Variants in KALRN observed in about 807,000 individuals in gnomAD.
KALRN encodes the protein kalirin.
In KALRN, 70 loss-of-function variants were observed where a neutral mutation model predicts 353.7. The ratio of observed to expected loss-of-function variants is 0.20; its 90% confidence interval spans 0.16 to 0.24. The LOEUF is 0.24. Among genes scored for constraint, KALRN ranks in the 10% least tolerant of loss-of-function variants. The probability of loss-of-function intolerance (pLI) is 1.00; values close to 1 mark genes in which losing one functional copy is unlikely to be tolerated. For synonymous variants in KALRN, 1,391 were observed against 1,434.8 expected, an observed-to-expected ratio of 0.97 and a Z score of 0.69; for missense variants, 2,791 against 3,756.7, an observed-to-expected ratio of 0.74 and a Z score of 6.72.
chr3:124,086,309 T>TTGTGTGTGTGTGTGTG (rs59443298), intron 1 of KALRN, among the ~76,000 whole-genome samples: 2 of 141,860 alleles, frequency 1.4e-5, no homozygotes, highest in Admixed American at 7.1e-5. Flanking sequence ...GGTTGTTTTG[T>TTGTGTGTGTGTGTGTG]TGTGTGTGTG....
chr3:124,505,140 CAATT>C (rs1342211718), intron 33 of KALRN, among the ~76,000 whole-genome samples: 1 of 152,012 alleles, frequency 6.6e-6, no homozygotes, highest in Admixed American at 6.5e-5. Flanking sequence ...CCTTCTGTAT[CAATT>C]AAGGAGAAAA....
At chr3:124,429,358 G>T (rs886896855) in intron 15 of KALRN, among the ~76,000 whole-genome samples, 1 of 152,180 alleles carries the variant, frequency 6.6e-6, no homozygotes, top group Admixed American at 6.5e-5. Flanking sequence ...ACGAGACTGG[G>T]CTTGGTATTT....
At position 124,255,239 on chromosome 3, in the gene KALRN, C is replaced by T. The variant is rs553365495; in HGVS notation, c.264-9259C>T. 3.1e-4 allele frequency among the ~76,000 whole-genome samples: 47 copies of T among 152,268 alleles called. No homozygotes were observed. In the South Asian group the frequency reaches 3.5e-3, roughly 11 times the overall value. ...GATTACAGGCATGAGCCACCGTGCCCGGCCTCTAGTATTTTTTTAGTGTTC... is the reference window on the plus strand; with the variant it reads ...GATTACAGGCATGAGCCACCGTGCCTGGCCTCTAGTATTTTTTTAGTGTTC... On this transcript the variant is annotated intron_variant, in intron 3 of 59. Transcript: ENST00000682506.
intron 1 of KALRN, among the ~76,000 whole-genome samples, chr3:124,173,706 C>A (rs1309267379): frequency 6.6e-6 from 1 of 152,142 alleles, no homozygotes; most frequent in Non-Finnish European, 1.5e-5. Flanking sequence ...ACCTCTGACT[C>A]CCTGGTTCAA....
intron 38 of KALRN, 79 bp downstream of exon 38, chr3:124,651,017 A>T: frequency 6.5e-7 from 1 of 1,547,450 alleles, no homozygotes; most frequent in Non-Finnish European, 8.8e-7. Context: ...GGAAAATTCG[A>T]GAGGGGTTCC....
chr3:124,640,695 G>T (rs1004255152), intron 37 of KALRN, among the ~76,000 whole-genome samples: 1 of 152,190 alleles, frequency 6.6e-6, no homozygotes, highest in Non-Finnish European at 1.5e-5. Context: ...TTGAAGGAAA[G>T]TTGAGGAAAC....
At position 124,298,925 on chromosome 3, in the gene KALRN, G is replaced by A. The variant is rs1286658327; in HGVS notation, c.1092+12G>A. ...CCATGAACTCCATGGTGAGCTGAGG[G>A]GCTGTTCTCAGCACTGCCTCTGGGA... On this transcript the variant is annotated intron_variant, in intron 6 of 59. Transcript: ENST00000682506. The A allele has an allele frequency of 1.2e-6, 2 of 1,613,966 alleles. No individual in the cohort carries two copies. The highest frequency in any genetic ancestry group is 1.7e-6 in the Non-Finnish European group (2 of 1,179,986).
chr3:124,110,614 C>G (rs1189589358), intron 1 of KALRN, among the ~76,000 whole-genome samples: 1 of 152,022 alleles, frequency 6.6e-6, no homozygotes, highest in Non-Finnish European at 1.5e-5. Flanking sequence ...GATCACTGGC[C>G]TTGAAGCCAA....
intron 19 of KALRN, among the ~76,000 whole-genome samples, chr3:124,445,175 C>G (rs1357225728): frequency 1.3e-5 from 2 of 152,130 alleles, no homozygotes; most frequent in Non-Finnish European, 2.9e-5. Flanking sequence ...CTCTAAACCT[C>G]AGTTTTCTCA....
intron 19 of KALRN, among the ~76,000 whole-genome samples, chr3:124,444,411 T>A (rs1453303137): frequency 6.6e-6 from 1 of 152,196 alleles, no homozygotes; most frequent in Admixed American, 6.5e-5. Flanking sequence ...AAGCCAGAGA[T>A]CAGTTGGGGA....
chr3:124,442,157 C>G (rs557220331), intron 19 of KALRN, 98 bp downstream of exon 19: 411 of 611,496 alleles, frequency 6.7e-4, no homozygotes, highest in Non-Finnish European at 1.0e-3. Flanking sequence ...AAATTTCCTG[C>G]TGCTTCTCCT....
chr3:124,290,897 A>G (rs2076360188), intron 5 of KALRN, among the ~76,000 whole-genome samples: 1 of 152,170 alleles, frequency 6.6e-6, no homozygotes, highest in Non-Finnish European at 1.5e-5. Context: ...TGTTATGGAG[A>G]GAAGGGAAGA....
rs748480747 is a variant in KALRN, at chr3:124,384,972, G to A, written c.1898G>A (p.Arg633His). ...GAGGTGCGCATCCAAGACTTCGTGCGCAGGGTGGAGCAGCGGAAGCTTCTC... is the reference window on the plus strand; with the variant it reads ...GAGGTGCGCATCCAAGACTTCGTGCACAGGGTGGAGCAGCGGAAGCTTCTC... ...HLEVRIQDFV[R>H]RVEQRKLLLD... The change falls in exon 11 of 60, where the codon CGC becomes CAC. Residue 633 changes from arginine to histidine, a missense_variant. Transcript: ENST00000682506. 108 of 1,613,662 alleles carry A rather than the reference G, an allele frequency of 6.7e-5. No individual in the cohort carries two copies. Among genetic ancestry groups the A allele is most frequent in the Non-Finnish European group, 8.6e-5 (102 of 1,179,832 alleles).
At chr3:124,076,052 C>T (rs1042510342) in intron 1 of KALRN, among the ~76,000 whole-genome samples, 7 of 152,172 alleles carry the variant, frequency 4.6e-5, no homozygotes, top group African/African-American at 1.4e-4. Flanking sequence ...GTGCTTCCTG[C>T]GATGAGGCCA....
chr3:124,286,075 TTTCC>T (rs201099722), intron 5 of KALRN, among the ~76,000 whole-genome samples: 5,260 of 134,654 alleles, frequency 0.039, 368 homozygotes, highest in South Asian at 0.064. Flanking sequence ...TCTTTCTTTC[TTTCC>T]TTCCTTTCTT....
chr3:124,284,087 GA>G (rs2075605235), intron 5 of KALRN, among the ~76,000 whole-genome samples: 1 of 152,218 alleles, frequency 6.6e-6, no homozygotes, highest in Admixed American at 6.5e-5. Context: ...GGAGAAAGCG[GA>G]GGCAGAGACC....
At chr3:124,469,296 T>C (rs1272554978) in intron 25 of KALRN, among the ~76,000 whole-genome samples, 1 of 152,208 alleles carries the variant, frequency 6.6e-6, no homozygotes. Flanking sequence ...CCTTTCCTCT[T>C]CATCCCTAAC....
chr3:124,295,058 C>T (rs1045325052), intron 5 of KALRN, among the ~76,000 whole-genome samples: 2 of 152,226 alleles, frequency 1.3e-5, no homozygotes, highest in Non-Finnish European at 2.9e-5. Flanking sequence ...CACATTCTGC[C>T]TCTGCAGCCA....
chr3:124,229,414 A>G (rs2078920524), intron 2 of KALRN, among the ~76,000 whole-genome samples: 1 of 152,268 alleles, frequency 6.6e-6, no homozygotes, highest in Admixed American at 6.5e-5. Flanking sequence ...CAGTGTTAGT[A>G]GCGAAAGATT....
Sources: gnomAD v4.1 joint callset for allele counts (sites outside exome capture counted in the v4.1 genomes callset) on GRCh38, gnomAD v4.1.1 for gene constraint, MANE v1.5 for transcripts, NCBI Gene and HGNC (gene_info 2026-07-23, HGNC 2026-07-21) for gene names.